The following GOLGA1 variants were observed in gnomAD, a reference collection of about 807,000 sequenced individuals.
GOLGA1 encodes golgin subfamily A member 1.
Under a neutral mutation model 119.7 loss-of-function variants are expected in GOLGA1, and 63 were observed. The ratio of observed to expected loss-of-function variants is 0.53; its 90% confidence interval spans 0.43 to 0.65. GOLGA1 has a LOEUF of 0.65. GOLGA1 is among the 30% of genes least tolerant of loss of function. The pLI is 0.00. For missense variants in GOLGA1, 798 were observed against 912.8 expected, an observed-to-expected ratio of 0.87 and a Z score of 1.62; for synonymous variants, 318 against 333.4, an observed-to-expected ratio of 0.95 and a Z score of 0.50.
intron 16 of GOLGA1, among the ~76,000 whole-genome samples, chr9:124,889,750 G>A (rs1263195202): frequency 6.6e-6 from 1 of 152,124 alleles, no homozygotes; most frequent in Non-Finnish European, 1.5e-5. Flanking sequence ...GCCTCCCACT[G>A]CCCCCTGGCC....
In GOLGA1 at chr9:124,889,318, A is replaced by T; in HGVS notation, c.1601-15T>A. ...AGAGTTGTGACCTAGGTCGGGGAGGAGGGGAGGGGGCACTGTGAGCCCAGT... is the reference window on the plus strand; with the variant it reads ...AGAGTTGTGACCTAGGTCGGGGAGGTGGGGAGGGGGCACTGTGAGCCCAGT... On this transcript the variant is annotated splice_polypyrimidine_tract_variant and intron_variant, in intron 17 of 22. Transcript: ENST00000373555. The T allele has an allele frequency of 6.2e-7, 1 of 1,611,742 alleles. No individual in the cohort carries two copies. Among genetic ancestry groups the T allele is most frequent in the South Asian group, 1.1e-5 (1 of 90,918 alleles).
intron 10 of GOLGA1, among the ~76,000 whole-genome samples, chr9:124,919,601 CTTAGG>C (rs1198753517): frequency 5.9e-5 from 9 of 152,212 alleles, no homozygotes; most frequent in Non-Finnish European, 8.8e-5. Context: ...TTAGTTTCCA[CTTAGG>C]TATCTGTAAG....
upstream of GOLGA1, chr9:124,943,967 G>C (rs1283512253): frequency 6.6e-6 from 1 of 152,152 alleles, no homozygotes; most frequent in Non-Finnish European, 1.5e-5. Flanking sequence ...AACCTATATG[G>C]ATAAGTTATT....
At chr9:124,925,403 T>G (rs1830654576) in intron 7 of GOLGA1, among the ~76,000 whole-genome samples, 1 of 151,834 alleles carries the variant, frequency 6.6e-6, no homozygotes, top group South Asian at 2.1e-4. Context: ...GGGACTTGAC[T>G]TTTCTATAAT....
chr9:124,926,857 A>G lies in GOLGA1; in HGVS notation c.400-116T>C, dbSNP rs955388475. On this transcript the variant is annotated intron_variant, in intron 6 of 22. Coordinates refer to ENST00000373555, the MANE Select transcript of GOLGA1 (RefSeq NM_002077.4). Reference sequence around the variant, plus strand: ...AGAAAGCAACTAACCAAACAAAACAAAAAAGCCAATTAAAAAAAAATCTAT... The same window carrying G: ...AGAAAGCAACTAACCAAACAAAACAGAAAAGCCAATTAAAAAAAAATCTAT... 1.3e-5 allele frequency: 8 copies of G among 596,460 alleles called. No homozygotes were observed. In the South Asian group the frequency reaches 2.0e-4, roughly 15 times the overall value. The allele number at this position is 596,460 out of a possible 1,614,324, so 36.9% of individuals were successfully genotyped here.
At chr9:124,927,517 A>G (rs891064065) in intron 6 of GOLGA1, among the ~76,000 whole-genome samples, 6 of 152,334 alleles carry the variant, frequency 3.9e-5, no homozygotes, top group Non-Finnish European at 2.9e-5. Flanking sequence ...AAATTATACA[A>G]TTTCTTAAGT....
chr9:124,922,300 C>A (rs1699176506), intron 8 of GOLGA1, among the ~76,000 whole-genome samples: 1 of 151,490 alleles, frequency 6.6e-6, no homozygotes, highest in African/African-American at 2.4e-5. Context: ...CGCCTGTAAT[C>A]CCACCATTTT....
chr9:124,944,744 TG>T (rs1164805791), upstream of GOLGA1: 1 of 152,188 alleles, frequency 6.6e-6, no homozygotes, highest in East Asian at 1.9e-4. Flanking sequence ...TTCTCATGTA[TG>T]ATCATTTCAA....
chr9:124,943,089 G>C (rs1478875332), upstream of GOLGA1: 2 of 152,252 alleles, frequency 1.3e-5, no homozygotes, highest in East Asian at 3.9e-4. Flanking sequence ...AGAAGAAAAA[G>C]GCTGCTGGAA....
chr9:124,913,992 G>A (rs1407910499), intron 10 of GOLGA1, among the ~76,000 whole-genome samples: 1 of 152,180 alleles, frequency 6.6e-6, no homozygotes, highest in Non-Finnish European at 1.5e-5. Context: ...ACAACTCTCA[G>A]GTCTGTGGCT....
intron 20 of GOLGA1, 102 bp from the exon 21 acceptor site, chr9:124,882,056 G>A (rs888707005): frequency 2.5e-6 from 2 of 814,966 alleles, no homozygotes; most frequent in African/African-American, 3.4e-5. Context: ...ACTATCGTAG[G>A]GCAAAAAGGG....
At chr9:124,889,407 A>G (rs1829803474) in intron 17 of GOLGA1, 27 bp downstream of exon 17, 1 of 1,592,090 alleles carries the variant, frequency 6.3e-7, no homozygotes, top group South Asian at 1.1e-5. Context: ...AAAGGAGAGA[A>G]GGCTCAGCCA....
intron 10 of GOLGA1, among the ~76,000 whole-genome samples, chr9:124,916,599 C>A (rs1043066799): frequency 1.3e-5 from 2 of 152,028 alleles, no homozygotes; most frequent in Admixed American, 6.6e-5. Context: ...ACAAGCCAGG[C>A]AAAGTGGCTC....
At chr9:124,894,380 TTGTGTGTGTGTG>T (rs35289660) in intron 15 of GOLGA1, among the ~76,000 whole-genome samples, 4 of 147,832 alleles carry the variant, frequency 2.7e-5, no homozygotes, top group South Asian at 2.2e-4. Flanking sequence ...ATTTAAAGTT[TTGTGTGTGTGTG>T]TGTGTGTGTG....
chr9:124,923,353 C>T (rs1370323788), intron 7 of GOLGA1, 130 bp from the exon 8 acceptor site: 3 of 682,120 alleles, frequency 4.4e-6, no homozygotes, highest in Non-Finnish European at 7.3e-6. Flanking sequence ...CCCAGGCTGG[C>T]CTTGAACTCC....
At position 124,881,055 on chromosome 9, in the gene GOLGA1, A is replaced by C; in HGVS notation, c.2223+116T>G. 1 of 713,014 alleles carries C rather than the reference A, an allele frequency of 1.4e-6. No individual in the cohort carries two copies. Among genetic ancestry groups the C allele is most frequent in the Non-Finnish European group, 2.6e-6 (1 of 388,670 alleles). The allele number at this position is 713,014 out of a possible 1,614,324, so 44.2% of individuals were successfully genotyped here. On this transcript the variant is annotated intron_variant, in intron 22 of 22. Coordinates refer to ENST00000373555, the MANE Select transcript of GOLGA1 (RefSeq NM_002077.4). This position sits in a 1 kb window ranked among gnomAD's most constrained non-coding sequence, Gnocchi z 4.9. ...TCATCCAAAAGCAGCCAAGCTGATC[A>C]TGCAGCTGTGCTGGTGCCTACACTC...
intron 1 of GOLGA1, among the ~76,000 whole-genome samples, chr9:124,940,483 C>T (rs1033471220): frequency 1.8e-4 from 27 of 152,334 alleles, no homozygotes; most frequent in African/African-American, 6.3e-4. Context: ...ATTTATTTCT[C>T]AGTTGATTAC....
intron 15 of GOLGA1, among the ~76,000 whole-genome samples, chr9:124,894,997 A>G (rs1352731439): frequency 1.3e-5 from 2 of 151,476 alleles, no homozygotes; most frequent in African/African-American, 4.9e-5. Flanking sequence ...TCCACAACAG[A>G]GACCCATCCA....
chr9:124,884,063 G>A (rs528631017), intron 19 of GOLGA1, among the ~76,000 whole-genome samples: 3 of 151,578 alleles, frequency 2.0e-5, no homozygotes, highest in African/African-American at 4.8e-5. Flanking sequence ...TGAGGCTGGA[G>A]TGCAGTGGCA....
Sources: gnomAD v4.1 joint callset for allele counts (sites outside exome capture counted in the v4.1 genomes callset) on GRCh38, gnomAD v4.1.1 for gene constraint, Gnocchi (gnomAD v3.1) non-coding constraint, MANE v1.5 for transcripts, NCBI Gene and HGNC (gene_info 2026-07-23, HGNC 2026-07-21) for gene names.